The following DMD variants were observed in gnomAD, a reference collection of about 807,000 sequenced individuals.
DMD encodes dystrophin.
Under a neutral mutation model 330.1 loss-of-function variants are expected in DMD, and 63 were observed. That is an observed-to-expected ratio of 0.19 (90% CI 0.16 to 0.24). DMD has a LOEUF of 0.24. Among genes scored for constraint, DMD ranks in the 10% least tolerant of loss-of-function variants. DMD has a pLI of 1.00. For synonymous variants in DMD, 1,223 were observed against 959.8 expected (o/e 1.27, Z -5.07); for missense variants, 3,344 against 2,684.1 (o/e 1.25, Z -5.43).
intron 2 of DMD, among the ~76,000 whole-genome samples, chrX:32,856,396 T>G (rs2081560881): frequency 8.9e-6 from 1 of 112,044 alleles, no homozygotes; most frequent in South Asian, 3.7e-4. Flanking sequence ...TAGCCAAGAT[T>G]TGGAAGCAAT....
intron 44 of DMD, among the ~76,000 whole-genome samples, chrX:32,118,462 A>C (rs2096620456): frequency 9.0e-6 from 1 of 110,702 alleles, no homozygotes; most frequent in African/African-American, 3.3e-5. Flanking sequence ...ACTGGGCTAA[A>C]CCCAAGGAAC....
chrX:33,283,219 T>C (rs1452389026), intron 1 of DMD, among the ~76,000 whole-genome samples: 1 of 112,215 alleles, frequency 8.9e-6, no homozygotes, highest in Non-Finnish European at 1.9e-5. Flanking sequence ...TAAGTACATG[T>C]CAGCCTTTGA....
At chrX:32,526,279 C>A (rs767642525) in intron 17 of DMD, among the ~76,000 whole-genome samples, 1 of 111,795 alleles carries the variant, frequency 8.9e-6, no homozygotes, top group Non-Finnish European at 1.9e-5. Context: ...CTCTATTCTT[C>A]AAGTATATCT....
In DMD at chrX:31,698,245, A is replaced by G. The variant is rs766938237; in HGVS notation, c.7661-18659T>C. On this transcript the variant is annotated intron_variant, in intron 52 of 78. Coordinates refer to ENST00000357033, the MANE Select transcript of DMD (RefSeq NM_004006.3). ...GAGTGAAGAGTGACGGACATGACTAACTGTGGGCAACTCTAAAGGAAAAAT... is the reference window on the plus strand; with the variant it reads ...GAGTGAAGAGTGACGGACATGACTAGCTGTGGGCAACTCTAAAGGAAAAAT... Among the ~76,000 whole-genome samples, 5 of 111,719 alleles carry G rather than the reference A, an allele frequency of 4.5e-5. No individual in the cohort carries two copies. The South Asian group carries it at 1.9e-3, about 42-fold the overall frequency.
chrX:31,849,737 G>T (rs769284972), intron 48 of DMD, among the ~76,000 whole-genome samples: 1 of 110,170 alleles, frequency 9.1e-6, no homozygotes. Flanking sequence ...ATAAATGAAG[G>T]TATATGAATA....
intron 7 of DMD, among the ~76,000 whole-genome samples, chrX:32,709,023 A>G (rs1032236853): frequency 5.3e-5 from 6 of 112,243 alleles, no homozygotes; most frequent in African/African-American, 1.9e-4. Flanking sequence ...AGGCATGCTG[A>G]TGAAACACAC....
chrX:32,114,873 A>T (rs2096603763), intron 44 of DMD, among the ~76,000 whole-genome samples: 1 of 112,314 alleles, frequency 8.9e-6, no homozygotes, highest in African/African-American at 3.2e-5. Flanking sequence ...ACCTCCTACT[A>T]CATTTTAACC....
chrX:31,693,150 TATAAC>T (rs2083230694), intron 52 of DMD, among the ~76,000 whole-genome samples: 1 of 112,106 alleles, frequency 8.9e-6, no homozygotes, highest in Non-Finnish European at 1.9e-5. Context: ...TGATTCAACA[TATAAC>T]AGAATGAAGT....
intron 1 of DMD, among the ~76,000 whole-genome samples, chrX:33,235,916 ATTT>A (rs1210743904): frequency 5.4e-4 from 47 of 87,104 alleles, no homozygotes; most frequent in Admixed American, 2.1e-3. Flanking sequence ...TATTATTATT[ATTT>A]TTTTTTTTTT....
intron 2 of DMD, among the ~76,000 whole-genome samples, chrX:32,917,736 T>C (rs765771463): frequency 1.3e-4 from 15 of 111,957 alleles, no homozygotes; most frequent in Non-Finnish European, 2.3e-4. Flanking sequence ...AGTTTACACT[T>C]AGATTTGCTG....
At chrX:31,846,251 G>A (rs757732553) in intron 48 of DMD, among the ~76,000 whole-genome samples, 2 of 110,459 alleles carry the variant, frequency 1.8e-5, no homozygotes, top group Non-Finnish European at 3.8e-5. Flanking sequence ...CAATGTTCTC[G>A]GTTTACTTTG....
chrX:33,074,941 C>T (rs2094816017), intron 1 of DMD, among the ~76,000 whole-genome samples: 1 of 111,604 alleles, frequency 9.0e-6, no homozygotes, highest in Non-Finnish European at 1.9e-5. Context: ...GTTTAAATGA[C>T]AATAGCCCTT....
At chrX:31,389,747 A>AAATGCAT (rs1388242530) in intron 60 of DMD, among the ~76,000 whole-genome samples, 2 of 112,338 alleles carry the variant, frequency 1.8e-5, no homozygotes, top group Non-Finnish European at 3.8e-5. Flanking sequence ...TTGACCATAG[A>AAATGCAT]AATGCATTTC....
chrX:32,763,948 C>T (rs1317260478), intron 7 of DMD, among the ~76,000 whole-genome samples: 1 of 111,249 alleles, frequency 9.0e-6, no homozygotes, highest in African/African-American at 3.3e-5. Context: ...GAGTATTACC[C>T]GCACACAACA....
At chrX:31,350,626 TGTGTGTGAGAGAGAGAGAGA>T (rs1299893921) in intron 60 of DMD, among the ~76,000 whole-genome samples, 3 of 48,277 alleles carry the variant, frequency 6.2e-5, no homozygotes, top group African/African-American at 2.5e-4. Flanking sequence ...TGTGTGTGTG[TGTGTGTGAGAGAGAGAGAGA>T]GAGAGAGAGA....
At chrX:32,511,907 G>A (rs1455635801) in intron 18 of DMD, among the ~76,000 whole-genome samples, 3 of 110,957 alleles carry the variant, frequency 2.7e-5, no homozygotes, top group South Asian at 3.7e-4. Context: ...GCCACTACTC[G>A]GATTCTAAAT....
At position 32,463,096 on chromosome X, in the gene DMD, G is replaced by A. The variant is rs866946558; in HGVS notation, c.3432+343C>T. On this transcript the variant is annotated intron_variant, in intron 25 of 78. Transcript: ENST00000357033. ...ATTTTATTTTGTACCAAATATCTCC[G>A]TGTAACAAATTTTTCTTAATCCCAT... Among the ~76,000 whole-genome samples the A allele has an allele frequency of 1.1e-4, 12 of 111,641 alleles. No individual in the cohort carries two copies. The East Asian group carries it at 2.5e-3, about 23-fold the overall frequency.
In DMD at chrX:31,856,062, A is replaced by G. The variant is rs148401149; in HGVS notation, c.7098+19126T>C. On this transcript the variant is annotated intron_variant, in intron 48 of 78. Transcript: ENST00000357033. The stretch of plus-strand genomic sequence containing the variant: ...GGTGCATATAATCCAGAACTCTACT[A>G]GAATCTAGAATATACAGACAACTCA... Among the ~76,000 whole-genome samples, 424 of 112,062 alleles carry G rather than the reference A, an allele frequency of 3.8e-3. 2 individuals carry two copies. Among genetic ancestry groups the G allele is most frequent in the African/African-American group, 0.013 (405 of 30,909 alleles).
At chrX:32,882,001 C>A (rs1485755818) in intron 2 of DMD, among the ~76,000 whole-genome samples, 1 of 112,273 alleles carries the variant, frequency 8.9e-6, no homozygotes, top group Non-Finnish European at 1.9e-5. Flanking sequence ...CCTAGACGTG[C>A]TTCTTCATGC....
Sources: allele counts gnomAD v4.1 joint callset (sites outside exome capture counted in the v4.1 genomes callset), GRCh38; gene constraint gnomAD v4.1.1; transcripts MANE v1.5; gene names NCBI Gene and HGNC (gene_info 2026-07-23, HGNC 2026-07-21).